The following CSGALNACT1 variants were observed in gnomAD, a reference collection of about 807,000 sequenced individuals.
CSGALNACT1 encodes the protein beta4GalNAcT-1.
Under a neutral mutation model 51.0 loss-of-function variants are expected in CSGALNACT1, and 52 were observed. That is an observed-to-expected ratio of 1.02 (90% CI 0.82 to 1.29). CSGALNACT1 has a LOEUF of 1.29. CSGALNACT1 is among the 50% of genes most tolerant of loss of function. The probability of loss-of-function intolerance (pLI) is 0.00; values close to 1 mark genes in which losing one functional copy is unlikely to be tolerated. For synonymous variants in CSGALNACT1, 341 were observed against 254.4 expected, an observed-to-expected ratio of 1.34 and a Z score of -3.24; for missense variants, 935 against 679.2, an observed-to-expected ratio of 1.38 and a Z score of -4.19.
At chr8:19,573,571 G>A (rs1384353433) in intron 3 of CSGALNACT1, among the ~76,000 whole-genome samples, 1 of 151,956 alleles carries the variant, frequency 6.6e-6, no homozygotes, top group African/African-American at 2.4e-5. Flanking sequence ...AGCTTCCCAT[G>A]TAGCTGGTAT....
chr8:19,616,265 C>T (rs1247847544), intron 1 of CSGALNACT1, among the ~76,000 whole-genome samples: 1 of 152,110 alleles, frequency 6.6e-6, no homozygotes, highest in Admixed American at 6.6e-5. Flanking sequence ...CTACTTGTTG[C>T]TATTTTTAAA....
chr8:19,647,474 C>T (rs973714408), intron 1 of CSGALNACT1, among the ~76,000 whole-genome samples: 1 of 152,146 alleles, frequency 6.6e-6, no homozygotes. Context: ...TGTATCTTGG[C>T]ATGTTATTTT....
chr8:19,641,113 A>T (rs2056686884), intron 1 of CSGALNACT1, among the ~76,000 whole-genome samples: 1 of 149,180 alleles, frequency 6.7e-6, no homozygotes, highest in South Asian at 2.1e-4. Flanking sequence ...TGTATTACCA[A>T]TAATGGTGAC....
chr8:19,693,950 A>ATT (rs59904956), intron 1 of CSGALNACT1, among the ~76,000 whole-genome samples: 2 of 151,496 alleles, frequency 1.3e-5, no homozygotes, highest in Non-Finnish European at 2.9e-5. Flanking sequence ...CATTAAGTGA[A>ATT]TTTTTTTTTC....
At chr8:19,406,111 C>G (rs757719857) in intron 9 of CSGALNACT1, 42 bp from the exon 9 acceptor site, 46 of 1,612,244 alleles carry the variant, frequency 2.9e-5, no homozygotes, top group Non-Finnish European at 3.9e-5. Flanking sequence ...CTGCACTGAT[C>G]TGTTTTGCTT....
At chr8:19,526,887 T>C (rs1291715437) in intron 3 of CSGALNACT1, among the ~76,000 whole-genome samples, 2 of 152,150 alleles carry the variant, frequency 1.3e-5, no homozygotes, top group Admixed American at 6.5e-5. Flanking sequence ...GTACAAAAAA[T>C]GCTAACAAAA....
At chr8:19,461,081 C>A (rs780109790) in intron 4 of CSGALNACT1, among the ~76,000 whole-genome samples, 1 of 152,148 alleles carries the variant, frequency 6.6e-6, no homozygotes, top group East Asian at 1.9e-4. Context: ...TTCACCAATG[C>A]GTTGAGTAAA....
chr8:19,625,757 T>C (rs906109197), intron 1 of CSGALNACT1, among the ~76,000 whole-genome samples: 1 of 152,176 alleles, frequency 6.6e-6, no homozygotes, highest in South Asian at 2.1e-4. Flanking sequence ...GAGGGGGCCT[T>C]AAGGCAAGTG....
chr8:19,592,238 C>A (rs912972011), intron 2 of CSGALNACT1, among the ~76,000 whole-genome samples: 1 of 152,106 alleles, frequency 6.6e-6, no homozygotes, highest in Non-Finnish European at 1.5e-5. Context: ...AACCAGAACC[C>A]AGTACATTAG....
At chr8:19,445,992 TG>T (rs2153783498) in intron 5 of CSGALNACT1, among the ~76,000 whole-genome samples, 1 of 152,204 alleles carries the variant, frequency 6.6e-6, no homozygotes, top group South Asian at 2.1e-4. Flanking sequence ...CTGGCCAACA[TG>T]GTGAAACCCC....
At chr8:19,430,366 G>A (rs960952566) in intron 6 of CSGALNACT1, among the ~76,000 whole-genome samples, 1 of 152,076 alleles carries the variant, frequency 6.6e-6, no homozygotes, top group Non-Finnish European at 1.5e-5. Context: ...TTGACTTCAA[G>A]TTTTGTATAT....
intron 8 of CSGALNACT1, 110 bp from the exon 8 acceptor site, chr8:19,408,804 T>C (rs552589745): frequency 1.1e-6 from 1 of 914,370 alleles, no homozygotes; most frequent in East Asian, 2.5e-5. Flanking sequence ...CCATCACTGA[T>C]AAACAGCCTC....
chr8:19,687,561 G>A (rs1393840982), upstream of CSGALNACT1, among the ~76,000 whole-genome samples: 1 of 152,154 alleles, frequency 6.6e-6, no homozygotes, highest in Non-Finnish European at 1.5e-5. Context: ...ACTGGATTAT[G>A]TTACTCCGTC....
At chr8:19,647,062 T>C (rs540475263) in intron 1 of CSGALNACT1, among the ~76,000 whole-genome samples, 1 of 151,960 alleles carries the variant, frequency 6.6e-6, no homozygotes, top group African/African-American at 2.4e-5. Flanking sequence ...GTCCCCTAAA[T>C]AAGAAGCCCG....
At chr8:19,452,272 C>T (rs566745018) in intron 5 of CSGALNACT1, among the ~76,000 whole-genome samples, 4 of 152,284 alleles carry the variant, frequency 2.6e-5, no homozygotes, top group African/African-American at 9.6e-5. Flanking sequence ...CTAGGGAAGA[C>T]ACAAGAGACC....
intron 3 of CSGALNACT1, among the ~76,000 whole-genome samples, chr8:19,538,711 G>A (rs1243774321): frequency 6.6e-6 from 1 of 152,118 alleles, no homozygotes; most frequent in Non-Finnish European, 1.5e-5. Flanking sequence ...AGACAAGCTG[G>A]AGATGGCTGG....
intron 3 of CSGALNACT1, among the ~76,000 whole-genome samples, chr8:19,514,450 G>A: frequency 1.7e-5 from 2 of 119,810 alleles, no homozygotes; most frequent in Admixed American, 1.9e-4. Flanking sequence ...CACATTTCAG[G>A]CATCATATGA....
intron 1 of CSGALNACT1, among the ~76,000 whole-genome samples, chr8:19,713,889 A>G (rs1169359448): frequency 6.6e-6 from 1 of 152,238 alleles, no homozygotes; most frequent in Admixed American, 6.5e-5. Flanking sequence ...ACTGGAAGAA[A>G]GAGAGAAGCC....
At chr8:19,520,780 C>G (rs1266560252) in intron 3 of CSGALNACT1, among the ~76,000 whole-genome samples, 1 of 152,164 alleles carries the variant, frequency 6.6e-6, no homozygotes, top group Non-Finnish European at 1.5e-5. Flanking sequence ...TTTTAACTTT[C>G]TGATACCTCC....
Sources: allele counts gnomAD v4.1 joint callset (sites outside exome capture counted in the v4.1 genomes callset), GRCh38; gene constraint gnomAD v4.1.1; transcripts MANE v1.5; gene names NCBI Gene and HGNC (gene_info 2026-07-23, HGNC 2026-07-21).